AP3D1: variants seen among roughly 807,000 people sequenced by gnomAD.
AP3D1 encodes the protein AP-3 complex subunit delta-1.
Under a neutral mutation model 147.6 loss-of-function variants are expected in AP3D1, and 51 were observed. That is an observed-to-expected ratio of 0.35 (90% CI 0.28 to 0.44). The LOEUF (loss-of-function observed/expected upper bound fraction) is 0.44. AP3D1 is among the 20% of genes least tolerant of loss of function. The pLI is 1.00. For synonymous variants in AP3D1, 760 were observed against 663.0 expected, an observed-to-expected ratio of 1.15 and a Z score of -2.25; for missense variants, 1,421 against 1,624.2, an observed-to-expected ratio of 0.87 and a Z score of 2.15.
upstream of AP3D1, among the ~76,000 whole-genome samples, chr19:2,153,509 C>T (rs1215240010): frequency 6.6e-6 from 1 of 152,046 alleles, no homozygotes; most frequent in African/African-American, 2.4e-5. Context: ...AATTCCACCT[C>T]TACTAAAAAT....
chr19:2,102,149 T>TGGTGCGGGGC lies in AP3D1; in HGVS notation c.*14_*23dup. 6.3e-7 allele frequency: 1 copy of TGGTGCGGGGC among 1,589,986 alleles called. No individual in the cohort carries two copies. On this transcript the variant is annotated 3_prime_UTR_variant, in exon 32 of 32. Coordinates refer to ENST00000643116, the MANE Select transcript of AP3D1 (RefSeq NM_001261826.3). ...GTCCCTGGGTACGTGCTCCGCGGGGTGGTGCGGGGCTCGCAGGCAGCTCTC... is the reference window on the plus strand; with the variant it reads ...GTCCCTGGGTACGTGCTCCGCGGGGTGGTGCGGGGCGGTGCGGGGCTCGCAGGCAGCTCTC...
In AP3D1 at chr19:2,118,612, C is replaced by T. The variant is rs1376545005; in HGVS notation, c.1702G>A (p.Val568Met). 1.9e-6 allele frequency: 3 copies of T among 1,609,636 alleles called. No individual in the cohort carries two copies. Among genetic ancestry groups the T allele is most frequent in the Admixed American group, 3.3e-5 (2 of 60,014 alleles). ...PQFVQSADLE[V>M]QERASCILQL... ...GTGTTGGATCTTACCCGCTCCTGCA[C>T]CTCCAGGTCTGCGCTCTGCACAAAC... Residue 568 changes from valine to methionine, a missense_variant, in exon 15 of 32, where the codon GTG becomes ATG. Val to Met is a conservative substitution (Grantham distance 21). Around this residue, in one of 6 missense-constraint regions of AP3D1, gnomAD observed 310 missense variants for 388.1 expected, o/e 0.80. Transcript: ENST00000643116.
At chr19:2,110,369 G>A (rs1031606942) in intron 27 of AP3D1, 145 bp from the exon 28 acceptor site, 7 of 725,318 alleles carry the variant, frequency 9.7e-6, no homozygotes, top group African/African-American at 7.0e-5. Context: ...GGGGACAGGA[G>A]CAGAAACAAG....
intron 31 of AP3D1, among the ~76,000 whole-genome samples, chr19:2,107,601 G>A (rs1052608463): frequency 3.9e-5 from 6 of 152,006 alleles, no homozygotes; most frequent in Non-Finnish European, 8.8e-5. Flanking sequence ...TTAGCCGGGC[G>A]TGGTGGCAGG....
At chr19:2,162,129 G>T (rs35049177) in intron 1 of AP3D1, among the ~76,000 whole-genome samples, 510 of 146,110 alleles carry the variant, frequency 3.5e-3, no homozygotes, top group African/African-American at 0.012. Context: ...TCTGCCTCCC[G>T]GACTCAAGTG....
At chr19:2,122,297 C>T (rs1184387163) in intron 11 of AP3D1, among the ~76,000 whole-genome samples, 1 of 152,230 alleles carries the variant, frequency 6.6e-6, no homozygotes, top group Non-Finnish European at 1.5e-5. Flanking sequence ...AACCAGCTCA[C>T]GGACAGCTAA....
In AP3D1 at chr19:2,130,373, C is replaced by A. The variant is rs1021602368; in HGVS notation, c.592+35G>T. ...TCCCAGGGCACCGGCTGAGCCCCCA[C>A]CCTCAACCCTGAGGCTTAACTCAAA... On this transcript the variant is annotated intron_variant, in intron 6 of 31. Transcript: ENST00000643116. 4 of 1,613,044 alleles carry A rather than the reference C, an allele frequency of 2.5e-6. No homozygotes were observed. In the South Asian group the frequency reaches 4.4e-5, roughly 18 times the overall value.
At position 2,158,561 on chromosome 19, in the gene AP3D1, G is replaced by C. The variant is rs562217708; in HGVS notation, c.-103+5795C>G. Among the ~76,000 whole-genome samples, 335 of 151,558 alleles carry C rather than the reference G, an allele frequency of 2.2e-3. 1 individual carries two copies. Among genetic ancestry groups the C allele is most frequent in the East Asian group, 3.7e-3 (19 of 5,156 alleles). On this transcript the variant is annotated intron_variant, in intron 1 of 14. Coordinates refer to the AP3D1 transcript ENST00000643010. ...GGCCTCAAGTTGTCCTCCCACCTTGGCCTCCCAAAGTGCTAGGATTACAAG... is the reference window on the plus strand; with the variant it reads ...GGCCTCAAGTTGTCCTCCCACCTTGCCCTCCCAAAGTGCTAGGATTACAAG...
intron 22 of AP3D1, among the ~76,000 whole-genome samples, chr19:2,113,648 G>T (rs1003177472): frequency 3.9e-5 from 6 of 152,258 alleles, no homozygotes; most frequent in African/African-American, 1.4e-4. Flanking sequence ...GGGTGGGTGT[G>T]TGCCATTCCA....
In AP3D1 at chr19:2,130,545, G is replaced by A. The variant is rs530006069; in HGVS notation, c.463-8C>T. ...GGGCTTGGTGTGTGACATCTGCGGG[G>A]CAGCGGGCTTCAGCCTGCGCGGGCT... is the stretch of plus-strand genomic sequence containing the variant. On this transcript the variant is annotated splice_polypyrimidine_tract_variant and splice_region_variant and intron_variant, in intron 5 of 31. Coordinates refer to ENST00000643116, the MANE Select transcript of AP3D1 (RefSeq NM_001261826.3). 5.6e-6 allele frequency: 9 copies of A among 1,613,608 alleles called. No individual in the cohort carries two copies. The East Asian group carries it at 1.3e-4, about 24-fold the overall frequency.
At position 2,116,490 on chromosome 19, in the gene AP3D1, T is replaced by G. The variant is rs866892908; in HGVS notation, c.2001+115A>C. The G allele has an allele frequency of 5.1e-6, 7 of 1,364,226 alleles. 1 individual carries two copies. The Middle Eastern group carries it at 1.6e-3, about 307-fold the overall frequency. The allele number at this position is 1,364,226 out of a possible 1,614,324, so 84.5% of individuals were successfully genotyped here. ...ACGCTCTGGGAGGCAGGGACGCCCA[T>G]GCCTCCACTGCCAGGGTCAGGGCCA... On this transcript the variant is annotated intron_variant, in intron 17 of 31. Coordinates refer to ENST00000643116, the MANE Select transcript of AP3D1 (RefSeq NM_001261826.3).
At chr19:2,160,014 C>A (rs1454212308) in intron 1 of AP3D1, among the ~76,000 whole-genome samples, 13 of 150,882 alleles carry the variant, frequency 8.6e-5, no homozygotes, top group Non-Finnish European at 1.0e-4. Flanking sequence ...CTGCGCCTGG[C>A]CATTTTGTAT....
At chr19:2,160,024 T>C (rs1453423635) in intron 1 of AP3D1, among the ~76,000 whole-genome samples, 3 of 151,954 alleles carry the variant, frequency 2.0e-5, no homozygotes, top group Non-Finnish European at 4.4e-5. Flanking sequence ...CCATTTTGTA[T>C]TTTTTTAGTA....
rs574626996 is a variant in AP3D1 at position 2,122,198 on chromosome 19, G to A, written c.956-319C>T. On this transcript the variant is annotated intron_variant, in intron 11 of 31. Coordinates refer to ENST00000643116, the MANE Select transcript of AP3D1 (RefSeq NM_001261826.3). Reference sequence around the variant, plus strand: ...CAGCCAGTGCAGGGAAGAACGCAGAGAAGACTTTCCAGCAGCAGCAGCAGA... The same window carrying A: ...CAGCCAGTGCAGGGAAGAACGCAGAAAAGACTTTCCAGCAGCAGCAGCAGA... Among the ~76,000 whole-genome samples the A allele has an allele frequency of 1.8e-3, 257 of 140,266 alleles. 1 individual carries two copies. Among genetic ancestry groups the A allele is most frequent in the African/African-American group, 6.5e-3 (229 of 34,988 alleles). 92.0% of individuals were successfully genotyped at this position (140,266 alleles called of 152,430 possible).
At chr19:2,143,895 C>A (rs184704798) in intron 1 of AP3D1, among the ~76,000 whole-genome samples, 2 of 152,274 alleles carry the variant, frequency 1.3e-5, no homozygotes, top group East Asian at 3.9e-4. Context: ...CGAGACCAGT[C>A]TGACCAACGT....
At chr19:2,108,072 C>T (rs1209681352) in intron 31 of AP3D1, among the ~76,000 whole-genome samples, 1 of 152,146 alleles carries the variant, frequency 6.6e-6, no homozygotes, top group Non-Finnish European at 1.5e-5. Context: ...TCTGTATACA[C>T]ATTTCTTTCT....
chr19:2,150,045 T>TG (rs2019464230), intron 1 of AP3D1, among the ~76,000 whole-genome samples: 1 of 151,954 alleles, frequency 6.6e-6, no homozygotes, highest in Admixed American at 6.6e-5. Context: ...CTCATTAAGG[T>TG]GGGGGCAGGC....
Position 2,111,820 on chromosome 19 carries a change from G to C in AP3D1, c.2796C>G (p.Pro932=). 6.2e-7 allele frequency: 1 copy of C among 1,613,816 alleles called. No homozygotes were observed. The highest frequency in any genetic ancestry group is 8.5e-7 in the Non-Finnish European group (1 of 1,179,960). The change falls in exon 25 of 32, where the codon CCC becomes CCG. Residue 932 remains proline (P), a synonymous_variant. Transcript: ENST00000643116. The part of the protein sequence containing the change: ...AEGQDQDKKS[P]KPKKKKHRKE... The stretch of plus-strand genomic sequence containing the variant: ...TCCTGTGCTTCTTCTTCTTAGGCTT[G>C]GGAGATTTCTGGAGCAAGAGGAGGG...
intron 4 of AP3D1, among the ~76,000 whole-genome samples, chr19:2,134,910 ATT>A (rs1408332312): frequency 6.6e-6 from 1 of 151,412 alleles, no homozygotes; most frequent in Non-Finnish European, 1.5e-5. Context: ...CCAGGAAATA[ATT>A]TTTTTTATTA....
Sources: gnomAD v4.1 joint callset for allele counts (sites outside exome capture counted in the v4.1 genomes callset) on GRCh38, gnomAD v4.1.1 for gene constraint, gnomAD v4.1.1 regional missense constraint, MANE v1.5 for transcripts, NCBI Gene and HGNC (gene_info 2026-07-23, HGNC 2026-07-21) for gene names.